Variants in NEK5 observed in about 807,000 individuals in gnomAD.
The protein encoded by NEK5 is serine/threonine-protein kinase Nek5.
A neutral mutation model predicts 109.2 loss-of-function variants in NEK5; 88 were observed. The observed-to-expected ratio is 0.81, with a 90% CI of 0.68 to 0.96. NEK5 has a LOEUF of 0.96. NEK5 is among the 40% of genes least tolerant of loss of function. The pLI, the probability that NEK5 is intolerant of heterozygous loss-of-function variation, is 0.00. For missense variants in NEK5, 834 were observed against 920.7 expected (o/e 0.91, Z 1.22); for synonymous variants, 283 against 299.9 (o/e 0.94, Z 0.58).
In NEK5 at chr13:52,087,367, G is replaced by C; in HGVS notation, c.1363C>G (p.Pro455Ala). The C allele has an allele frequency of 1.2e-6, 2 of 1,602,262 alleles. No homozygotes were observed. Among genetic ancestry groups the C allele is most frequent in the Non-Finnish European group, 1.7e-6 (2 of 1,169,940 alleles). The change falls in exon 15 of 24, where the codon CCA becomes GCA. Residue 455 changes from proline (P) to alanine (A), a missense_variant. Pro to Ala is a conservative substitution (Grantham distance 27). This residue lies in a region of NEK5 where 777 missense variants were observed against 824.7 expected (regional missense o/e 0.94). Transcript: ENST00000684899. ...TCCTTCATTTCGTTTTTCCTAAATG[G>C]CAGCTCCTGGAATCTAGGCTCTTCT... ...NGEEPRFQEL[P>A]FRKNEMKEQE...
intron 8 of NEK5, 59 bp downstream of exon 8, chr13:52,108,259 C>T (rs923143026): frequency 1.1e-6 from 1 of 913,886 alleles, no homozygotes; most frequent in African/African-American, 1.7e-5. Flanking sequence ...CTGGAATCTT[C>T]ATTCAGTGTC....
At chr13:52,097,050 G>A (rs774882440) in intron 12 of NEK5, among the ~76,000 whole-genome samples, 20 of 152,224 alleles carry the variant, frequency 1.3e-4, no homozygotes, top group Admixed American at 3.3e-4. Context: ...GGTGCAAGCC[G>A]TAAATCTTGG....
intron 20 of NEK5, among the ~76,000 whole-genome samples, chr13:52,070,441 C>G (rs990115550): frequency 2.0e-5 from 3 of 152,056 alleles, no homozygotes; most frequent in African/African-American, 4.8e-5. Context: ...GTGGGGTGAC[C>G]CAGAGGGAGG....
chr13:52,098,228 C>T (rs1955458751), intron 12 of NEK5, among the ~76,000 whole-genome samples: 1 of 151,286 alleles, frequency 6.6e-6, no homozygotes, highest in South Asian at 2.1e-4. Flanking sequence ...TGCCACTGCC[C>T]TCTAGCCTGG....
At chr13:52,087,863 G>C (rs903955902) in intron 14 of NEK5, among the ~76,000 whole-genome samples, 6 of 151,334 alleles carry the variant, frequency 4.0e-5, no homozygotes, top group African/African-American at 1.5e-4. Flanking sequence ...CTGACCTCGT[G>C]ATCTGCCCGC....
At chr13:52,098,390 T>A (rs1308175989) in intron 12 of NEK5, among the ~76,000 whole-genome samples, 1 of 152,070 alleles carries the variant, frequency 6.6e-6, no homozygotes, top group African/African-American at 2.4e-5. Context: ...AAAATGTCTA[T>A]ATATCAAGTA....
chr13:52,099,982 G>T, intron 11 of NEK5, 106 bp from the exon 12 acceptor site: 2 of 819,834 alleles, frequency 2.4e-6, no homozygotes, highest in East Asian at 5.4e-5. Context: ...AACACAGTAA[G>T]TTTACTTTTT....
intron 4 of NEK5, 82 bp from the exon 5 acceptor site, chr13:52,112,447 TGG>T: frequency 1.1e-6 from 1 of 894,398 alleles, no homozygotes; most frequent in Non-Finnish European, 1.8e-6. Context: ...CAAGATGGAC[TGG>T]GTTCTAATTC....
intron 3 of NEK5, among the ~76,000 whole-genome samples, chr13:52,124,567 G>C (rs1165831951): frequency 6.6e-5 from 10 of 151,974 alleles, no homozygotes; most frequent in Non-Finnish European, 2.9e-5. Flanking sequence ...TTTTCTAACT[G>C]TTTATCTGTG....
At chr13:52,117,887 C>T (rs765258927) in intron 4 of NEK5, among the ~76,000 whole-genome samples, 3 of 152,092 alleles carry the variant, frequency 2.0e-5, no homozygotes, top group Non-Finnish European at 4.4e-5. Context: ...TAATCTCAAA[C>T]AAAATAAAGA....
At position 52,065,611 on chromosome 13, in the gene NEK5, TG is replaced by T; in HGVS notation, c.1850-3del. The T allele has an allele frequency of 6.2e-7, 1 of 1,609,620 alleles. No individual in the cohort carries two copies. On this transcript the variant is annotated splice_region_variant and splice_polypyrimidine_tract_variant and intron_variant, in intron 20 of 23. Coordinates refer to ENST00000684899, the MANE Select transcript of NEK5 (RefSeq NM_001365552.1). The stretch of plus-strand genomic sequence containing the variant: ...CAGCTACAGTCTGCGTGGAAAACCC[TG>T]GGTGTAAGAAAACAACTCATTAATT...
intron 11 of NEK5, among the ~76,000 whole-genome samples, chr13:52,100,340 C>T (rs1955505113): frequency 6.6e-6 from 1 of 152,128 alleles, no homozygotes; most frequent in Non-Finnish European, 1.5e-5. Context: ...GAGCTCACTG[C>T]AACCTTCACC....
chr13:52,080,355 G>A (rs1263982689), intron 17 of NEK5, among the ~76,000 whole-genome samples: 1 of 151,378 alleles, frequency 6.6e-6, no homozygotes, highest in African/African-American at 2.4e-5. Context: ...GAAGTGAGAA[G>A]CCCCTCTGCC....
chr13:52,061,735 G>T (rs1954616057), intron 22 of NEK5, 84 bp downstream of exon 22: 1 of 455,840 alleles, frequency 2.2e-6, no homozygotes, highest in Non-Finnish European at 2.9e-6. Context: ...CCAGCTGAAG[G>T]TATTTTTATC....
chr13:52,118,929 G>A (rs1379151204), intron 4 of NEK5, among the ~76,000 whole-genome samples: 1 of 152,100 alleles, frequency 6.6e-6, no homozygotes, highest in African/African-American at 2.4e-5. Flanking sequence ...TTCCTTATCT[G>A]AGCTGCTCCT....
At chr13:52,116,225 A>G (rs941765679) in intron 4 of NEK5, among the ~76,000 whole-genome samples, 4 of 151,162 alleles carry the variant, frequency 2.6e-5, no homozygotes, top group Non-Finnish European at 5.9e-5. Context: ...AGACATTGGC[A>G]TCTTCCAATC....
At position 52,076,153 on chromosome 13, in the gene NEK5, T is replaced by C. The variant is rs777802324; in HGVS notation, c.1573-10A>G. 7.7e-5 allele frequency: 114 copies of C among 1,474,890 alleles called. No individual in the cohort carries two copies. The highest frequency in any genetic ancestry group is 1.0e-4 in the Non-Finnish European group (111 of 1,062,268). The allele number at this position is 1,474,890 out of a possible 1,614,324, so 91.4% of individuals were successfully genotyped here. A position where few individuals can be genotyped will look rare whatever the true frequency, so the allele number is the denominator to read the frequency against. On this transcript the variant is annotated splice_polypyrimidine_tract_variant and intron_variant, in intron 17 of 23. Transcript: ENST00000684899. ...AGTCTTTTTCAATGTCCTGAAAATT[T>C]AGAGAAAAATACAATTCTCTCACTG...
chr13:52,037,060 G>C lies in NEK5; in HGVS notation c.2387C>G (p.Ser796Cys), dbSNP rs1406067343. Residue 796 changes from serine to cysteine, a missense_variant, in exon 24 of 24, where the codon TCT (serine) becomes TGT (cysteine). By Grantham distance (112) the Ser-to-Cys change is moderately radical. Coordinates refer to ENST00000684899, the MANE Select transcript of NEK5 (RefSeq NM_001365552.1). Reference sequence around the variant, plus strand: ...CTCCAAGCCCTCCCTTAATTCTTCAGATTTCTGCATACTTATCCCCTCTCT... The same window carrying C: ...CTCCAAGCCCTCCCTTAATTCTTCACATTTCTGCATACTTATCCCCTCTCT... The part of the protein sequence containing the change: ...REREGISMQK[S>C]EELREGLENI... The C allele has an allele frequency of 1.0e-6, 1 of 985,240 alleles. No homozygotes were observed. The highest frequency in any genetic ancestry group is 1.2e-6 in the Non-Finnish European group (1 of 829,898). The allele number at this position is 985,240 out of a possible 1,614,324, so 61.0% of individuals were successfully genotyped here.
chr13:52,087,827 G>GACCA (rs1253032802), intron 14 of NEK5, among the ~76,000 whole-genome samples: 2 of 151,378 alleles, frequency 1.3e-5, no homozygotes, highest in Non-Finnish European at 2.9e-5. Context: ...GGGTTTCACT[G>GACCA]TGTTAGCCAG....
Sources: gnomAD v4.1 joint callset for allele counts (sites outside exome capture counted in the v4.1 genomes callset) on GRCh38, gnomAD v4.1.1 for gene constraint, gnomAD v4.1.1 regional missense constraint, MANE v1.5 for transcripts, NCBI Gene and HGNC (gene_info 2026-07-23, HGNC 2026-07-21) for gene names.